STK11: variants seen among roughly 807,000 people sequenced by gnomAD.
The protein encoded by STK11 is serine/threonine kinase 11, also known as serine/threonine-protein kinase STK11.
In STK11, 8 loss-of-function variants were observed where a neutral mutation model predicts 47.3. That is an observed-to-expected ratio of 0.17 (90% CI 0.10 to 0.31). The LOEUF (loss-of-function observed/expected upper bound fraction) is 0.31, where lower values mean the gene tolerates loss of function less well. Ranked by LOEUF, STK11 falls within the 10% of genes least tolerant of loss-of-function variation. STK11 has a pLI of 1.00. For synonymous variants in STK11, 330 were observed against 255.8 expected, an observed-to-expected ratio of 1.29 and a Z score of -2.77; for missense variants, 475 against 605.0, an observed-to-expected ratio of 0.79 and a Z score of 2.25.
intron 8 of STK11, chr19:1,225,373 A>G (rs1409112773): frequency 3.4e-6 from 3 of 878,332 alleles, no homozygotes; most frequent in Non-Finnish European, 4.1e-6. Context: ...CCCGGATTCA[A>G]GCAATTCTGC....
intron 1 of STK11, among the ~76,000 whole-genome samples, chr19:1,209,289 C>T (rs970847591): frequency 9.2e-5 from 14 of 152,110 alleles, no homozygotes; most frequent in Non-Finnish European, 1.2e-4. Flanking sequence ...CAGTGAGAAA[C>T]CCACGCTTAG....
rs561655034 is a variant in STK11 at position 1,220,725 on chromosome 19, C to A, written c.734+8C>A. 1 of 1,602,644 alleles carries A rather than the reference C, an allele frequency of 6.2e-7. No individual in the cohort carries two copies. The highest frequency in any genetic ancestry group is 1.1e-5 in the South Asian group (1 of 90,394). Reference sequence around the variant, plus strand: ...GTCGGCTGGGGTCACCCTGTAAGTGCCCCGCCCCCCCGGGCACTCACCACA... The same window carrying A: ...GTCGGCTGGGGTCACCCTGTAAGTGACCCGCCCCCCCGGGCACTCACCACA... On this transcript the variant is annotated splice_region_variant and intron_variant, in intron 5 of 9. Transcript: ENST00000326873.
intron 9 of STK11, 171 bp downstream of exon 9, chr19:1,226,834 C>T (rs1195946539): frequency 1.5e-5 from 12 of 789,234 alleles, no homozygotes; most frequent in African/African-American, 1.3e-4. Context: ...TGGAGGGTGC[C>T]GTCTCGGGGC....
chr19:1,219,700 C>G (rs1042695551), intron 3 of STK11, among the ~76,000 whole-genome samples: 11 of 152,134 alleles, frequency 7.2e-5, no homozygotes, highest in South Asian at 6.2e-4. Flanking sequence ...CGCCCGCCAC[C>G]ACGCCCGGCT....
At chr19:1,219,517 T>C (rs2080767485) in intron 3 of STK11, 104 bp downstream of exon 3, 2 of 1,265,888 alleles carry the variant, frequency 1.6e-6, no homozygotes, top group African/African-American at 1.5e-5. Context: ...TTCATTGACA[T>C]GAAGGCCCAA....
In STK11 at chr19:1,226,594, G is replaced by T. The variant is rs587782876; in HGVS notation, c.1249G>T (p.Ala417Ser). 1.0e-5 allele frequency: 16 copies of T among 1,566,176 alleles called. No homozygotes were observed. Among genetic ancestry groups the T allele is most frequent in the Non-Finnish European group, 1.4e-5 (16 of 1,157,360 alleles). The part of the protein sequence containing the change: ...EGRAPNPARK[A>S]CSASSKIRRL... ...CCGGGCCCCCAACCCTGCCCGCAAG[G>T]CCTGCTCCGCCAGCAGCAAGATCCG... Residue 417 changes from alanine to serine, a missense_variant, in exon 9 of 10, where the codon GCC becomes TCC. By Grantham distance (99) the Ala-to-Ser change is moderately conservative. Around this residue, in one of 5 missense-constraint regions of STK11, gnomAD observed 219 missense variants for 189.2 expected, o/e 1.16. Coordinates refer to ENST00000326873, the MANE Select transcript of STK11 (RefSeq NM_000455.5).
In STK11 at chr19:1,220,729, G is replaced by A. The variant is rs876661094; in HGVS notation, c.734+12G>A. On this transcript the variant is annotated intron_variant, in intron 5 of 9. Coordinates refer to ENST00000326873, the MANE Select transcript of STK11 (RefSeq NM_000455.5). ...GCTGGGGTCACCCTGTAAGTGCCCC[G>A]CCCCCCCGGGCACTCACCACACGCA... 1.1e-5 allele frequency: 17 copies of A among 1,600,952 alleles called. No homozygotes were observed. The highest frequency in any genetic ancestry group is 1.4e-5 in the Non-Finnish European group (16 of 1,173,134).
At chr19:1,217,867 T>G (rs1294472832) in intron 1 of STK11, among the ~76,000 whole-genome samples, 1 of 152,188 alleles carries the variant, frequency 6.6e-6, no homozygotes, top group Non-Finnish European at 1.5e-5. Flanking sequence ...AGCAAAACTG[T>G]TACTGAGTTA....
intron 1 of STK11, among the ~76,000 whole-genome samples, chr19:1,211,516 G>C (rs2080710518): frequency 6.6e-6 from 1 of 152,128 alleles, no homozygotes; most frequent in African/African-American, 2.4e-5. Context: ...TTCCACCCCA[G>C]TGAGAGTGGG....
At chr19:1,225,502 C>T (rs10445602) in intron 8 of STK11, 2 of 963,524 alleles carry the variant, frequency 2.1e-6, no homozygotes, top group Non-Finnish European at 2.5e-6. Flanking sequence ...AACTCCTAAC[C>T]TCATGATCTG....
At chr19:1,219,608 C>CAT (rs1282182796) in intron 3 of STK11, among the ~76,000 whole-genome samples, 195 bp downstream of exon 3, 5 of 151,938 alleles carry the variant, frequency 3.3e-5, no homozygotes, top group African/African-American at 1.2e-4. Flanking sequence ...TGCAATGGTG[C>CAT]GATCTCGGCT....
At chr19:1,224,054 G>T (rs2080804574) in intron 8 of STK11, 1 of 1,002,100 alleles carries the variant, frequency 1.0e-6, no homozygotes. Context: ...CCAGAATAGT[G>T]GGGGCCCTGC....
At chr19:1,219,268 C>T (rs2080764630) in intron 2 of STK11, 56 bp from the exon 3 acceptor site, 2 of 1,543,060 alleles carry the variant, frequency 1.3e-6, no homozygotes, top group South Asian at 2.4e-5. Context: ...GGCCCCCGTG[C>T]TCCCTGGGCC....
Position 1,220,712 on chromosome 19 carries a change from C to T in STK11, c.729C>T (p.Val243=). ...GFKVDIWSAG[V]TLYNITTGLY... is the part of the protein sequence containing the mutation. ...AGGTGGACATCTGGTCGGCTGGGGT[C>T]ACCCTGTAAGTGCCCCGCCCCCCCG... is the stretch of plus-strand genomic sequence containing the variant. Residue 243 remains valine (V), a synonymous_variant, in exon 5 of 10, where the codon GTC becomes GTT. Transcript: ENST00000326873. 6.2e-7 allele frequency: 1 copy of T among 1,608,434 alleles called. No individual in the cohort carries two copies. Among genetic ancestry groups the T allele is most frequent in the South Asian group, 1.1e-5 (1 of 90,900 alleles).
intron 1 of STK11, among the ~76,000 whole-genome samples, chr19:1,217,743 C>T (rs2080754074): frequency 6.6e-6 from 1 of 152,198 alleles, no homozygotes; most frequent in Admixed American, 6.5e-5. Context: ...GAGCCCTTGG[C>T]TGCGTGGGAC....
Position 1,226,446 on chromosome 19 carries a change from C to T in STK11, c.1109-8C>T, listed in dbSNP as rs1373424237. 6.2e-7 allele frequency: 1 copy of T among 1,609,244 alleles called. No homozygotes were observed. The highest frequency in any genetic ancestry group is 1.7e-5 in the Admixed American group (1 of 59,730). On this transcript the variant is annotated splice_region_variant and splice_polypyrimidine_tract_variant and intron_variant, in intron 8 of 9. Coordinates refer to ENST00000326873, the MANE Select transcript of STK11 (RefSeq NM_000455.5). ...CAGCTCAGGCCACACTTGCCGTCTC[C>T]CTCCCAGGACAGGTCCCAGAAGAGG... is the stretch of plus-strand genomic sequence containing the variant.
rs1044825795 is a variant in STK11, at chr19:1,226,683, G to T, written c.*16+20G>T. 33 of 1,476,770 alleles carry T rather than the reference G, an allele frequency of 2.2e-5. No individual in the cohort carries two copies. Among genetic ancestry groups the T allele is most frequent in the East Asian group, 5.0e-5 (2 of 40,002 alleles). The allele number at this position is 1,476,770 out of a possible 1,614,324, so 91.5% of individuals were successfully genotyped here. On this transcript the variant is annotated intron_variant, in intron 9 of 9. Transcript: ENST00000326873. ...CTGCAGGTGGGGCGCGGCGGGGCCC[G>T]GGTGGGGCATGTGGGGACAACGCCT...
chr19:1,224,896 C>A, intron 8 of STK11: 1 of 985,716 alleles, frequency 1.0e-6, no homozygotes, highest in Non-Finnish European at 1.2e-6. Context: ...CTTCAGGCTT[C>A]AGCGTGAGCC....
chr19:1,208,634 T>TTTTTTG (rs2080686780), intron 1 of STK11, among the ~76,000 whole-genome samples: 2 of 107,608 alleles, frequency 1.9e-5, no homozygotes, highest in African/African-American at 3.3e-5. Context: ...TTTTTTTTTT[T>TTTTTTG]GAGACGGAGT....
Sources: gnomAD v4.1 joint callset for allele counts (sites outside exome capture counted in the v4.1 genomes callset) on GRCh38, gnomAD v4.1.1 for gene constraint, gnomAD v4.1.1 regional missense constraint, MANE v1.5 for transcripts, NCBI Gene and HGNC (gene_info 2026-07-23, HGNC 2026-07-21) for gene names.